TBC1D22A: variants seen among roughly 807,000 people sequenced by gnomAD.
The protein encoded by TBC1D22A is TBC1 domain family member 22A.
TBC1D22A carries 38 observed loss-of-function variants against 60.2 expected under a neutral mutation model. That is an observed-to-expected ratio of 0.63 (90% confidence interval 0.49 to 0.83). The LOEUF (loss-of-function observed/expected upper bound fraction) is 0.83, where lower values mean the gene tolerates loss of function less well. Among genes scored for constraint, TBC1D22A ranks in the 40% least tolerant of loss-of-function variants. The pLI is 0.00. For synonymous variants in TBC1D22A, 302 were observed against 281.7 expected, an observed-to-expected ratio of 1.07 and a Z score of -0.72; for missense variants, 628 against 701.0, an observed-to-expected ratio of 0.90 and a Z score of 1.18.
At chr22:46,863,026 G>A (rs1320123283) in intron 4 of TBC1D22A, among the ~76,000 whole-genome samples, 1 of 152,242 alleles carries the variant, frequency 6.6e-6, no homozygotes, top group South Asian at 2.1e-4. Flanking sequence ...CATAGTCTGC[G>A]CAGGGTAAGC....
In TBC1D22A at chr22:46,991,476, G is replaced by A. The variant is rs542982823; in HGVS notation, c.1126-6158G>A. On this transcript the variant is annotated intron_variant, in intron 9 of 12. Coordinates refer to ENST00000337137, the MANE Select transcript of TBC1D22A (RefSeq NM_014346.5). ...ACCAATCAAATGAATGAGCTAATAG[G>A]AACAAATGGCAAGTCCTACGTTCAG... 7.9e-5 allele frequency among the ~76,000 whole-genome samples: 12 copies of A among 152,304 alleles called. No individual in the cohort carries two copies. In the South Asian group the frequency reaches 2.5e-3, roughly 32 times the overall value.
chr22:46,961,638 A>G (rs577349623), intron 8 of TBC1D22A, among the ~76,000 whole-genome samples: 7 of 152,304 alleles, frequency 4.6e-5, no homozygotes, highest in African/African-American at 1.4e-4. Flanking sequence ...GAAGAAGCTT[A>G]AAGTCATTTC....
intron 11 of TBC1D22A, among the ~76,000 whole-genome samples, chr22:47,090,339 C>A (rs1192311520): frequency 6.6e-6 from 1 of 152,252 alleles, no homozygotes; most frequent in Non-Finnish European, 1.5e-5. Context: ...AGCGCTCAGA[C>A]AGACGGGGCG....
chr22:47,076,353 A>ATGTGTG (rs1288517301), intron 11 of TBC1D22A, among the ~76,000 whole-genome samples: 1 of 107,800 alleles, frequency 9.3e-6, no homozygotes, highest in African/African-American at 3.3e-5. Context: ...ATATATATAT[A>ATGTGTG]TGTGTGTGTA....
intron 9 of TBC1D22A, among the ~76,000 whole-genome samples, chr22:46,995,504 G>A (rs1358869339): frequency 6.7e-6 from 1 of 149,610 alleles, no homozygotes; most frequent in African/African-American, 2.6e-5. Flanking sequence ...CTGCGTGTGT[G>A]CACGCACTTT....
In TBC1D22A at chr22:47,004,227, C is replaced by T. The variant is rs1029474357; in HGVS notation, c.1201+6518C>T. On this transcript the variant is annotated intron_variant, in intron 10 of 12. Transcript: ENST00000337137. ...CATACACACACCCCTACACACACCC[C>T]TATATACACGCATCTGCCATATACA... is the stretch of plus-strand genomic sequence containing the variant. Among the ~76,000 whole-genome samples, 12 of 149,110 alleles carry T rather than the reference C, an allele frequency of 8.0e-5. 1 individual carries two copies. Among genetic ancestry groups the T allele is most frequent in the African/African-American group, 2.5e-4 (10 of 40,230 alleles).
intron 12 of TBC1D22A, among the ~76,000 whole-genome samples, chr22:47,120,313 G>A (rs1484609298): frequency 6.6e-6 from 1 of 152,174 alleles, no homozygotes; most frequent in African/African-American, 2.4e-5. Flanking sequence ...CTAGGGAAAT[G>A]CTAGAGACAG....
chr22:46,983,697 T>G (rs932982119), intron 9 of TBC1D22A, among the ~76,000 whole-genome samples: 3 of 124,180 alleles, frequency 2.4e-5, no homozygotes, highest in South Asian at 2.6e-4. Flanking sequence ...AAGACCAGGT[T>G]TTTTTTTTTT....
Position 47,054,760 on chromosome 22 carries a change from G to A in TBC1D22A, c.1329+17562G>A, listed in dbSNP as rs146598275. 1.2e-3 allele frequency among the ~76,000 whole-genome samples: 178 copies of A among 152,272 alleles called. 1 individual carries two copies. Among genetic ancestry groups the A allele is most frequent in the Non-Finnish European group, 1.9e-3 (132 of 68,028 alleles). On this transcript the variant is annotated intron_variant, in intron 11 of 12. Coordinates refer to ENST00000337137, the MANE Select transcript of TBC1D22A (RefSeq NM_014346.5). ...AGTGAGGGCTGTTCCTGGGCAGGTC[G>A]GGCTGATGATTGTGTACACGTAGAA...
Position 47,009,341 on chromosome 22 carries a change from C to T in TBC1D22A, c.1201+11632C>T, listed in dbSNP as rs1400888838. Among the ~76,000 whole-genome samples the T allele has an allele frequency of 6.6e-6, 1 of 151,884 alleles. No homozygotes were observed. The highest frequency in any genetic ancestry group is 1.5e-5 in the Non-Finnish European group (1 of 67,952). On this transcript the variant is annotated intron_variant, in intron 10 of 12. Coordinates refer to ENST00000337137, the MANE Select transcript of TBC1D22A (RefSeq NM_014346.5). This position sits in a 1 kb window ranked among gnomAD's most constrained non-coding sequence, Gnocchi z 5.8. ...CATGTCATCATCACCATCATTATGT[C>T]ATCACCACCATCATCATCACCATCA...
chr22:46,933,241 A>C (rs1037733931), intron 8 of TBC1D22A, among the ~76,000 whole-genome samples: 1 of 152,118 alleles, frequency 6.6e-6, no homozygotes, highest in African/African-American at 2.4e-5. Flanking sequence ...AAATAAACAA[A>C]AGTTAATCAT....
chr22:46,875,726 C>G (rs1389679983), intron 4 of TBC1D22A, among the ~76,000 whole-genome samples: 1 of 152,194 alleles, frequency 6.6e-6, no homozygotes, highest in Non-Finnish European at 1.5e-5. Context: ...GCTGGGATTA[C>G]AGGTGTGAGC....
intron 7 of TBC1D22A, among the ~76,000 whole-genome samples, chr22:46,910,004 A>G (rs1455597766): frequency 1.3e-5 from 2 of 152,176 alleles, no homozygotes; most frequent in Non-Finnish European, 2.9e-5. Flanking sequence ...CATTCGCATC[A>G]TTTGCTAAGC....
Position 47,028,756 on chromosome 22 carries a change from G to A in TBC1D22A, c.1202-8315G>A, listed in dbSNP as rs1158558916. Among the ~76,000 whole-genome samples the A allele has an allele frequency of 6.6e-6, 1 of 152,244 alleles. No homozygotes were observed. The highest frequency in any genetic ancestry group is 6.5e-5 in the Admixed American group (1 of 15,288). On this transcript the variant is annotated intron_variant, in intron 10 of 12. Coordinates refer to ENST00000337137, the MANE Select transcript of TBC1D22A (RefSeq NM_014346.5). This position sits in a 1 kb window ranked among gnomAD's most constrained non-coding sequence, Gnocchi z 4.4. The stretch of plus-strand genomic sequence containing the variant: ...GGTGGAGAAGTTATCTTGAGGGAAT[G>A]TGTTTGCAGTTTGGCCTCTGCCTTG...
At chr22:46,823,464 G>T (rs2085914001) in intron 4 of TBC1D22A, among the ~76,000 whole-genome samples, 1 of 152,196 alleles carries the variant, frequency 6.6e-6, no homozygotes, top group African/African-American at 2.4e-5. Flanking sequence ...GGGAAGGGCA[G>T]GCCCATTCAG....
chr22:47,143,989 G>A (rs1172090467), intron 12 of TBC1D22A, among the ~76,000 whole-genome samples: 2 of 152,160 alleles, frequency 1.3e-5, no homozygotes, highest in African/African-American at 2.4e-5. Flanking sequence ...GCCACACTCC[G>A]AATCAAGCCT....
intron 6 of TBC1D22A, among the ~76,000 whole-genome samples, chr22:46,893,735 T>C (rs567930466): frequency 1.1e-4 from 16 of 152,360 alleles, no homozygotes; most frequent in African/African-American, 3.8e-4. Flanking sequence ...TGGCCCTGCC[T>C]GTCTGGATAG....
chr22:47,047,465 A>G (rs1360093903), intron 11 of TBC1D22A, among the ~76,000 whole-genome samples: 2 of 152,226 alleles, frequency 1.3e-5, no homozygotes, highest in African/African-American at 2.4e-5. Context: ...CTTGCCTTCA[A>G]GGCACCAAAC....
chr22:46,904,142 T>TCTATCTATCTGCCTGCCTAC (rs57116517), intron 7 of TBC1D22A, among the ~76,000 whole-genome samples: 3 of 134,500 alleles, frequency 2.2e-5, no homozygotes, highest in Non-Finnish European at 4.7e-5. Context: ...TATCTATCTA[T>TCTATCTATCTGCCTGCCTAC]CTACCTACCT....
Sources: allele counts gnomAD v4.1 joint callset (sites outside exome capture counted in the v4.1 genomes callset), GRCh38; gene constraint gnomAD v4.1.1; non-coding constraint Gnocchi (gnomAD v3.1); transcripts MANE v1.5; gene names NCBI Gene and HGNC (gene_info 2026-07-23, HGNC 2026-07-21).